HID1: variants seen among roughly 807,000 people sequenced by gnomAD.
HID1 encodes protein HID1.
HID1 carries 42 observed loss-of-function variants against 89.7 expected under a neutral mutation model. That is an observed-to-expected ratio of 0.47 (90% CI 0.37 to 0.61). The LOEUF (loss-of-function observed/expected upper bound fraction) is 0.61, where lower values mean the gene tolerates loss of function less well. Ranked by LOEUF, HID1 falls within the 20% of genes least tolerant of loss-of-function variation. The pLI, the probability that HID1 is intolerant of heterozygous loss-of-function variation, is 0.00. For synonymous variants in HID1, 442 were observed against 433.8 expected (o/e 1.02, Z -0.24); for missense variants, 854 against 1,039.3 (o/e 0.82, Z 2.45).
chr17:74,957,985 AC>A (rs1369139418), intron 12 of HID1, 155 bp downstream of exon 12: 1 of 616,306 alleles, frequency 1.6e-6, no homozygotes, highest in Non-Finnish European at 2.8e-6. Context: ...AATTGTTGTC[AC>A]CCTTTTTTTT....
At chr17:74,963,969 T>C in intron 2 of HID1, 59 bp from the exon 3 acceptor site, 1 of 1,583,690 alleles carries the variant, frequency 6.3e-7, no homozygotes, top group East Asian at 2.2e-5. Flanking sequence ...ACCCTGGCAC[T>C]TGGGGTCAGG....
In HID1 at chr17:74,959,917, C is replaced by G. The variant is rs2039452136; in HGVS notation, c.972G>C (p.Leu324=). ...GGATGCGGGACAGGTAGTTCACAAA[C>G]AGGTTCTCAGGGCCTGGAGGCTGCC... ...DDADPPGPEN[L]FVNYLSRIHR... The change falls in exon 8 of 19, where the codon CTG becomes CTC. Residue 324 remains leucine (L), a synonymous_variant. Coordinates refer to ENST00000425042, the MANE Select transcript of HID1 (RefSeq NM_030630.3). This position sits in a 1 kb window ranked among gnomAD's most constrained non-coding sequence, Gnocchi z 4.6. 6.2e-7 allele frequency: 1 copy of G among 1,613,732 alleles called. No homozygotes were observed. Among genetic ancestry groups the G allele is most frequent in the Non-Finnish European group, 8.5e-7 (1 of 1,180,046 alleles).
Position 74,959,267 on chromosome 17 carries a change from T to C in HID1, c.1009-216A>G, listed in dbSNP as rs2039443678. ...CTGTGGACAGCCCTGGCCCCTCCAC[T>C]AGACTGCAGACTCTCTGTCCTTGGG... On this transcript the variant is annotated intron_variant, in intron 8 of 18. Coordinates refer to ENST00000425042, the MANE Select transcript of HID1 (RefSeq NM_030630.3). The surrounding 1 kb of genome is among the most constrained non-coding windows in gnomAD (Gnocchi z 4.6). 6.6e-6 allele frequency among the ~76,000 whole-genome samples: 1 copy of C among 152,092 alleles called. No homozygotes were observed. The highest frequency in any genetic ancestry group is 1.5e-5 in the Non-Finnish European group (1 of 68,014).
Position 74,962,457 on chromosome 17 carries a change from C to T in HID1, c.505-117G>A. The stretch of plus-strand genomic sequence containing the variant: ...CCCAGGGGCAGAGACCGCCAGTTCT[C>T]CTAAAGACAGGTCCTCAAAATGGCC... On this transcript the variant is annotated intron_variant, in intron 4 of 18. Coordinates refer to ENST00000425042, the MANE Select transcript of HID1 (RefSeq NM_030630.3). The surrounding 1 kb of genome is among the most constrained non-coding windows in gnomAD (Gnocchi z 4.3). 1.6e-6 allele frequency: 1 copy of T among 609,182 alleles called. No individual in the cohort carries two copies. The highest frequency in any genetic ancestry group is 2.9e-5 in the East Asian group (1 of 34,236). 37.7% of individuals were successfully genotyped at this position (609,182 alleles called of 1,614,324 possible).
At position 74,958,438 on chromosome 17, in the gene HID1, C is replaced by G. The variant is rs764583728; in HGVS notation, c.1281G>C (p.Leu427=). ...CGAAGTTCCGCTCCCCGCTCAGAAG[C>G]AGCAAGATGAAGACACCAATGTGCA... The part of the protein sequence containing the change: ...GLMHIGVFIL[L]LLSGERNFGV... Residue 427 remains leucine, a synonymous_variant, in exon 11 of 19, where the codon CTG becomes CTC. Transcript: ENST00000425042. The surrounding 1 kb of genome is among the most constrained non-coding windows in gnomAD (Gnocchi z 5.2). The G allele has an allele frequency of 6.9e-6, 11 of 1,601,866 alleles. No homozygotes were observed. In the African/African-American group the frequency reaches 1.3e-4, roughly 19 times the overall value.
In HID1 at chr17:74,958,412, C is replaced by A; in HGVS notation, c.1307G>T (p.Gly436Val). 6.2e-7 allele frequency: 1 copy of A among 1,607,552 alleles called. No homozygotes were observed. Among genetic ancestry groups the A allele is most frequent in the African/African-American group, 1.3e-5 (1 of 74,936 alleles). ...TGAGTAGGGTTTGTTCAGCCGCACC[C>A]CGAAGTTCCGCTCCCCGCTCAGAAG... ...LLLLSGERNF[G>V]VRLNKPYSIR... The change falls in exon 11 of 19, where the codon GGG (glycine) becomes GTG (valine). Residue 436 changes from glycine (G) to valine (V), a missense_variant. Transcript: ENST00000425042. The surrounding 1 kb of genome is among the most constrained non-coding windows in gnomAD (Gnocchi z 5.2).
chr17:74,972,674 C>A lies in HID1; in HGVS notation c.-18G>T. On this transcript the variant is annotated 5_prime_UTR_variant, in exon 1 of 19. Transcript: ENST00000425042. The surrounding 1 kb of genome is among the most constrained non-coding windows in gnomAD (Gnocchi z 6.4). ...GACCCCATGTCTCTGGAGCCCGCTC[C>A]GGCCCGGCCCCCGCCCAGACTCCAA... is the stretch of plus-strand genomic sequence containing the variant. The A allele has an allele frequency of 6.5e-7, 1 of 1,534,162 alleles. No individual in the cohort carries two copies. The highest frequency in any genetic ancestry group is 8.8e-7 in the Non-Finnish European group (1 of 1,139,158).
At position 74,960,211 on chromosome 17, in the gene HID1, C is replaced by G; in HGVS notation, c.766G>C (p.Val256Leu). The change falls in exon 7 of 19, where the codon GTG becomes CTG. Residue 256 changes from valine to leucine, a missense_variant. By Grantham distance (32) the Val-to-Leu change is conservative. Coordinates refer to ENST00000425042, the MANE Select transcript of HID1 (RefSeq NM_030630.3). ...TAGCCCACAGGGTCATAGGCACACA[C>G]GGTGTTGAGGAGGGAGGTGAAGAGG... ...LPLFTSLLNT[V>L]CAYDPVGYGI... The G allele has an allele frequency of 6.2e-7, 1 of 1,613,034 alleles. No individual in the cohort carries two copies. Among genetic ancestry groups the G allele is most frequent in the African/African-American group, 1.3e-5 (1 of 75,066 alleles).
intron 12 of HID1, among the ~76,000 whole-genome samples, chr17:74,956,220 TC>T (rs1320525963): frequency 4.0e-5 from 6 of 151,334 alleles, no homozygotes; most frequent in South Asian, 4.2e-4. Flanking sequence ...CCCATGCCAG[TC>T]CCCCCCATAC....
chr17:74,963,866 C>G lies in HID1; in HGVS notation c.261G>C (p.Ser87=). Residue 87 remains serine (S), a synonymous_variant, in exon 3 of 19, where the codon TCG becomes TCC. Coordinates refer to ENST00000425042, the MANE Select transcript of HID1 (RefSeq NM_030630.3). ...LVQGAESGCH[S]EKEKQIVLNC... is the part of the protein sequence containing the mutation. ...TCAGGACGATCTGCTTCTCCTTCTC[C>G]GAGTGGCAGCCACTCTCAGCTCCCT... 1.2e-6 allele frequency: 2 copies of G among 1,613,568 alleles called. No individual in the cohort carries two copies. Among genetic ancestry groups the G allele is most frequent in the Non-Finnish European group, 1.7e-6 (2 of 1,179,986 alleles).
intron 1 of HID1, among the ~76,000 whole-genome samples, chr17:74,970,453 A>C (rs2039629646): frequency 6.6e-6 from 1 of 152,218 alleles, no homozygotes; most frequent in Admixed American, 6.5e-5. Flanking sequence ...GCAGCAGAGA[A>C]TTCCAAACAG....
chr17:74,965,467 G>A (rs754684181), intron 1 of HID1, among the ~76,000 whole-genome samples: 3 of 152,148 alleles, frequency 2.0e-5, no homozygotes, highest in Non-Finnish European at 2.9e-5. Flanking sequence ...GCGTACACAC[G>A]TGTCATACAC....
At position 74,962,033 on chromosome 17, in the gene HID1, T is replaced by A; in HGVS notation, c.612-44A>T. The A allele has an allele frequency of 7.1e-7, 1 of 1,413,948 alleles. No individual in the cohort carries two copies. The highest frequency in any genetic ancestry group is 2.4e-5 in the Admixed American group (1 of 41,686). The allele number at this position is 1,413,948 out of a possible 1,614,324, so 87.6% of individuals were successfully genotyped here. On this transcript the variant is annotated intron_variant, in intron 5 of 18. Transcript: ENST00000425042. The surrounding 1 kb of genome is among the most constrained non-coding windows in gnomAD (Gnocchi z 4.3). ...AGGGCACCTTAGGATCCCAGTCCCC[T>A]CTTGGAGGTTCTGCCCACCCAGCCC...
intron 16 of HID1, 58 bp from the exon 17 acceptor site, chr17:74,952,418 A>C: frequency 7.6e-7 from 1 of 1,321,684 alleles, no homozygotes; most frequent in Non-Finnish European, 1.1e-6. Context: ...CTGCGGGGCA[A>C]GCCTGACCCT....
Position 74,955,128 on chromosome 17 carries a change from C to T in HID1, c.1636+664G>A, listed in dbSNP as rs560562212. 3.1e-4 allele frequency among the ~76,000 whole-genome samples: 47 copies of T among 152,284 alleles called. No individual in the cohort carries two copies. The Middle Eastern group carries it at 0.01, about 33-fold the overall frequency. On this transcript the variant is annotated intron_variant, in intron 13 of 18. Coordinates refer to ENST00000425042, the MANE Select transcript of HID1 (RefSeq NM_030630.3). ...GGATCAGAGAGGTCAAGTGACGTGC[C>T]CTGGTCACAGGGCTAACGAGTGGCA...
rs1031129621 is a variant in HID1, at chr17:74,972,735, G to T, written c.-79C>A. 4.4e-6 allele frequency: 6 copies of T among 1,348,754 alleles called. No individual in the cohort carries two copies. The highest frequency in any genetic ancestry group is 1.4e-5 in the South Asian group (1 of 69,592). 83.5% of individuals were successfully genotyped at this position (1,348,754 alleles called of 1,614,324 possible). A position where few individuals can be genotyped will look rare whatever the true frequency, so the allele number is the denominator to read the frequency against. Reference sequence around the variant, plus strand: ...GCTTCAGCTCCGGCTCCAGCTCCGCGGCCCCCGCGGCTCTCGCAGGAGACA... The same window carrying T: ...GCTTCAGCTCCGGCTCCAGCTCCGCTGCCCCCGCGGCTCTCGCAGGAGACA... On this transcript the variant is annotated 5_prime_UTR_variant, in exon 1 of 19. Transcript: ENST00000425042. The surrounding 1 kb of genome is among the most constrained non-coding windows in gnomAD (Gnocchi z 6.4).
chr17:74,960,761 G>C (rs2039467311), intron 6 of HID1, among the ~76,000 whole-genome samples: 1 of 152,238 alleles, frequency 6.6e-6, no homozygotes, highest in South Asian at 2.1e-4. Flanking sequence ...GAGTAGGGTG[G>C]AAGGTTGAAC....
At position 74,958,965 on chromosome 17, in the gene HID1, G is replaced by A; in HGVS notation, c.1095C>T (p.Ile365=). ...QTYLPNSTKK[I]QFHQELLVLF... ...GAACTAGCAGCTCCTGGTGGAACTG[G>A]ATCTTCTTGGTGGAGTTAGGCAGGT... The change falls in exon 9 of 19, where the codon ATC becomes ATT. Residue 365 remains isoleucine (I), a synonymous_variant. Transcript: ENST00000425042. This position sits in a 1 kb window ranked among gnomAD's most constrained non-coding sequence, Gnocchi z 5.2. 3 of 1,606,410 alleles carry A rather than the reference G, an allele frequency of 1.9e-6. No individual in the cohort carries two copies. The highest frequency in any genetic ancestry group is 2.5e-6 in the Non-Finnish European group (3 of 1,177,510).
At position 74,955,988 on chromosome 17, in the gene HID1, C is replaced by T. The variant is rs772754802; in HGVS notation, c.1472-32G>A. On this transcript the variant is annotated intron_variant, in intron 12 of 18. Coordinates refer to ENST00000425042, the MANE Select transcript of HID1 (RefSeq NM_030630.3). Reference sequence around the variant, plus strand: ...GGGAGGGGTCAGCTCACTCCTGGGCCCCTCAGCCAAGCCATCCCTGCACAT... The same window carrying T: ...GGGAGGGGTCAGCTCACTCCTGGGCTCCTCAGCCAAGCCATCCCTGCACAT... 3.1e-6 allele frequency: 5 copies of T among 1,604,882 alleles called. No individual in the cohort carries two copies. The Admixed American group carries it at 8.4e-5, about 27-fold the overall frequency.
Sources: allele counts gnomAD v4.1 joint callset (sites outside exome capture counted in the v4.1 genomes callset), GRCh38; gene constraint gnomAD v4.1.1; non-coding constraint Gnocchi (gnomAD v3.1); transcripts MANE v1.5; gene names NCBI Gene and HGNC (gene_info 2026-07-23, HGNC 2026-07-21).